The following TRAK1 variants were observed in gnomAD, a reference collection of about 807,000 sequenced individuals.
TRAK1 encodes trafficking kinesin protein 1, also known as trafficking kinesin-binding protein 1.
Under a neutral mutation model 92.1 loss-of-function variants are expected in TRAK1, and 33 were observed. The ratio of observed to expected loss-of-function variants is 0.36; its 90% CI spans 0.27 to 0.48. TRAK1 has a LOEUF of 0.48. TRAK1 is among the 20% of genes least tolerant of loss of function. TRAK1 has a pLI of 0.99. For missense variants in TRAK1, 1,123 were observed against 1,257.9 expected, an observed-to-expected ratio of 0.89 and a Z score of 1.62; for synonymous variants, 521 against 517.3, an observed-to-expected ratio of 1.01 and a Z score of -0.10.
intron 1 of TRAK1, among the ~76,000 whole-genome samples, chr3:42,039,500 AC>A (rs1364027331): frequency 1.3e-5 from 2 of 152,146 alleles, no homozygotes; most frequent in Non-Finnish European, 2.9e-5. Flanking sequence ...AGTAGCTGGG[AC>A]TGCAGGTGCA....
intron 15 of TRAK1, 50 bp from the exon 16 acceptor site, chr3:42,222,892 C>G: frequency 1.9e-6 from 3 of 1,573,408 alleles, no homozygotes; most frequent in Non-Finnish European, 2.6e-6. Flanking sequence ...GACCCTTTCT[C>G]TGGAGCTCAT....
intron 1 of TRAK1, among the ~76,000 whole-genome samples, chr3:42,100,438 C>T (rs992180202): frequency 3.3e-5 from 5 of 152,162 alleles, no homozygotes; most frequent in Admixed American, 2.0e-4. Context: ...AATCTTCTCC[C>T]ATCTCATCTT....
chr3:42,144,285 T>A (rs961067957), intron 2 of TRAK1, among the ~76,000 whole-genome samples: 1 of 152,106 alleles, frequency 6.6e-6, no homozygotes, highest in African/African-American at 2.4e-5. Flanking sequence ...AAAAGAAAGA[T>A]TAGAGTGATG....
At chr3:42,087,024 C>T (rs1197358505), upstream of TRAK1, 3 of 152,260 alleles carry the variant, frequency 2.0e-5, no homozygotes, top group South Asian at 2.1e-4. Context: ...GCACGTCATC[C>T]CGGGGCCCTC....
At chr3:42,034,751 C>T (rs1040326375) in intron 1 of TRAK1, among the ~76,000 whole-genome samples, 1 of 152,186 alleles carries the variant, frequency 6.6e-6, no homozygotes, top group Non-Finnish European at 1.5e-5. Flanking sequence ...CTCCAGCCCT[C>T]TTTCCCAGCC....
At chr3:42,100,995 G>A (rs987278277) in intron 1 of TRAK1, among the ~76,000 whole-genome samples, 2 of 152,260 alleles carry the variant, frequency 1.3e-5, no homozygotes, top group African/African-American at 2.4e-5. Flanking sequence ...AATTAGCTGT[G>A]TGTTAGTCAA....
rs764395708 is a variant in TRAK1, at chr3:42,222,972, C to T, written c.2097C>T (p.Gly699=). Residue 699 remains glycine (G), a synonymous_variant, in exon 16 of 16, where the codon GGC becomes GGT. Coordinates refer to ENST00000327628, the MANE Select transcript of TRAK1 (RefSeq NM_001042646.3). ...ACTCAGCCCCAACTCCAGCTTGTGG[C>T]AGCACCAGCCACTTGAAATCCACGC... ...SLNSAPTPAC[G]STSHLKSTPV... The T allele has an allele frequency of 6.2e-7, 1 of 1,613,918 alleles. No individual in the cohort carries two copies.
At chr3:42,120,731 A>G (rs576693435) in intron 1 of TRAK1, among the ~76,000 whole-genome samples, 13 of 152,170 alleles carry the variant, frequency 8.5e-5, no homozygotes, top group African/African-American at 2.9e-4. Flanking sequence ...TATTTTTAGT[A>G]CAGACGGGGT....
At position 42,071,955 on chromosome 3, in the gene TRAK1, A is replaced by G. The variant is rs934142013; in HGVS notation, c.-518-15149A>G. On this transcript the variant is annotated intron_variant, in intron 1 of 16. Transcript: ENST00000487159. ...CCCTTCCTGGCTTTGGCCAGCCTCCAGAATTCCTCCTGGTGTCCTGAGAAT... is the reference window on the plus strand; with the variant it reads ...CCCTTCCTGGCTTTGGCCAGCCTCCGGAATTCCTCCTGGTGTCCTGAGAAT... 2.6e-5 allele frequency among the ~76,000 whole-genome samples: 4 copies of G among 152,334 alleles called. No homozygotes were observed. In the East Asian group the frequency reaches 5.8e-4, roughly 22 times the overall value.
chr3:42,169,931 TG>T (rs1264770269), intron 2 of TRAK1, among the ~76,000 whole-genome samples: 1 of 152,130 alleles, frequency 6.6e-6, no homozygotes, highest in East Asian at 1.9e-4. Flanking sequence ...TTTTGGCCTG[TG>T]GGAAGAGCAG....
At chr3:42,067,214 A>T (rs564162999) in intron 1 of TRAK1, among the ~76,000 whole-genome samples, 2 of 152,370 alleles carry the variant, frequency 1.3e-5, no homozygotes, top group South Asian at 4.1e-4. Context: ...AATTAATAAA[A>T]TCAAGTACTT....
intron 10 of TRAK1, 111 bp from the exon 11 acceptor site, chr3:42,199,066 C>G: frequency 9.6e-7 from 1 of 1,045,224 alleles, no homozygotes; most frequent in South Asian, 1.4e-5. Context: ...AGACCGTGAG[C>G]TTCTGATGCC....
At chr3:42,188,877 C>T (rs1384838792) in intron 5 of TRAK1, 139 bp from the exon 6 acceptor site, 6 of 630,268 alleles carry the variant, frequency 9.5e-6, no homozygotes, top group African/African-American at 3.7e-5. Context: ...GCACTGGGGG[C>T]GCTGTCTTCC....
At chr3:42,157,456 T>TAA (rs1700669173) in intron 2 of TRAK1, among the ~76,000 whole-genome samples, 2 of 3,892 alleles carry the variant, frequency 5.1e-4, no homozygotes, top group Admixed American at 7.7e-3. Flanking sequence ...AGACCCTGTC[T>TAA]CAAAAAAAAA....
At chr3:42,055,776 T>C (rs1167978735) in intron 1 of TRAK1, among the ~76,000 whole-genome samples, 1 of 152,180 alleles carries the variant, frequency 6.6e-6, no homozygotes, top group African/African-American at 2.4e-5. Flanking sequence ...CACAATAAAT[T>C]TTAGAACACT....
intron 1 of TRAK1, among the ~76,000 whole-genome samples, chr3:42,115,608 T>A (rs1346243919): frequency 6.6e-6 from 1 of 152,206 alleles, no homozygotes; most frequent in Non-Finnish European, 1.5e-5. Flanking sequence ...GTTTCTTCTG[T>A]TGGTAATTAA....
At chr3:42,135,285 C>T (rs1374081715) in intron 2 of TRAK1, among the ~76,000 whole-genome samples, 6 of 152,194 alleles carry the variant, frequency 3.9e-5, no homozygotes, top group African/African-American at 1.4e-4. Context: ...GGGTGGAGCC[C>T]AGTACCTGGC....
chr3:42,186,971 ATTC>A (rs1176742105), intron 4 of TRAK1, among the ~76,000 whole-genome samples: 6 of 152,338 alleles, frequency 3.9e-5, no homozygotes, highest in African/African-American at 1.4e-4. Context: ...CGTAACTGCA[ATTC>A]TTCTTATAGC....
intron 1 of TRAK1, among the ~76,000 whole-genome samples, chr3:42,027,522 G>GA (rs754971016): frequency 1.4e-3 from 189 of 133,094 alleles, no homozygotes; most frequent in Middle Eastern, 8.6e-3. Flanking sequence ...GACTCCATCT[G>GA]AAAAAAAAAA....
Sources: allele counts gnomAD v4.1 joint callset (sites outside exome capture counted in the v4.1 genomes callset), GRCh38; gene constraint gnomAD v4.1.1; transcripts MANE v1.5; gene names NCBI Gene and HGNC (gene_info 2026-07-23, HGNC 2026-07-21).